THEMIS: variants seen among roughly 807,000 people sequenced by gnomAD.
THEMIS encodes the protein protein THEMIS.
Under a neutral mutation model 52.6 loss-of-function variants are expected in THEMIS, and 37 were observed. The observed-to-expected ratio is 0.70, with a 90% CI of 0.54 to 0.93. THEMIS has a LOEUF of 0.93. THEMIS is among the 40% of genes least tolerant of loss of function. The probability of loss-of-function intolerance (pLI) is 0.00; values close to 1 mark genes in which losing one functional copy is unlikely to be tolerated. For synonymous variants in THEMIS, 292 were observed against 272.7 expected, an observed-to-expected ratio of 1.07 and a Z score of -0.70; for missense variants, 808 against 763.1, an observed-to-expected ratio of 1.06 and a Z score of -0.69.
intron 4 of THEMIS, chr6:127,807,357 T>TA (rs745621361): frequency 0.011 from 2,362 of 218,740 alleles, 1 homozygote; most frequent in South Asian, 0.025. Flanking sequence ...GAGAATTCAT[T>TA]AAAAAAAAAA....
intron 4 of THEMIS, among the ~76,000 whole-genome samples, chr6:127,736,746 A>G (rs1205212939): frequency 6.6e-6 from 1 of 151,390 alleles, no homozygotes; most frequent in African/African-American, 2.4e-5. Context: ...ATATTCTTCT[A>G]TCTCCTAATG....
intron 4 of THEMIS, among the ~76,000 whole-genome samples, chr6:127,793,459 T>C (rs1297354064): frequency 6.6e-6 from 1 of 151,904 alleles, no homozygotes; most frequent in African/African-American, 2.4e-5. Context: ...TAAGAAAAGA[T>C]AAAAACAGGA....
chr6:127,836,551 C>T (rs1176649776), intron 2 of THEMIS, among the ~76,000 whole-genome samples: 1 of 152,068 alleles, frequency 6.6e-6, no homozygotes, highest in Non-Finnish European at 1.5e-5. Context: ...TATAATTTCC[C>T]AATGTAACCA....
At chr6:127,749,836 A>G (rs1458050438) in intron 4 of THEMIS, among the ~76,000 whole-genome samples, 1 of 151,376 alleles carries the variant, frequency 6.6e-6, no homozygotes, top group Non-Finnish European at 1.5e-5. Context: ...AATTACTGCT[A>G]GCTCCATTGA....
chr6:127,757,260 CA>C (rs1399674089), intron 4 of THEMIS, among the ~76,000 whole-genome samples: 10 of 152,086 alleles, frequency 6.6e-5, no homozygotes, highest in African/African-American at 1.9e-4. Context: ...GAAGTACTGG[CA>C]ATGTATCTAA....
chr6:127,783,431 C>T (rs1776815483), intron 4 of THEMIS, among the ~76,000 whole-genome samples: 1 of 152,150 alleles, frequency 6.6e-6, no homozygotes, highest in Non-Finnish European at 1.5e-5. Flanking sequence ...GCAAAATAAA[C>T]TATCATTAGA....
At chr6:127,862,813 G>A (rs1583367926) in intron 1 of THEMIS, among the ~76,000 whole-genome samples, 3 of 152,022 alleles carry the variant, frequency 2.0e-5, no homozygotes, top group East Asian at 1.9e-4. Context: ...TCTACCATTT[G>A]TCCCTCTCAT....
chr6:127,822,781 T>G (rs960577300), intron 3 of THEMIS, among the ~76,000 whole-genome samples: 1 of 152,066 alleles, frequency 6.6e-6, no homozygotes, highest in African/African-American at 2.4e-5. Context: ...GGATGTTACC[T>G]TCCATGATTT....
At chr6:127,860,328 A>G (rs1779754540) in intron 1 of THEMIS, among the ~76,000 whole-genome samples, 1 of 152,200 alleles carries the variant, frequency 6.6e-6, no homozygotes, top group Non-Finnish European at 1.5e-5. Flanking sequence ...GTTGGACACT[A>G]GATATAGCAC....
intron 4 of THEMIS, among the ~76,000 whole-genome samples, chr6:127,801,445 C>A (rs1777532094): frequency 6.6e-6 from 1 of 152,150 alleles, no homozygotes; most frequent in Non-Finnish European, 1.5e-5. Context: ...CATGCACACC[C>A]TTGCCAGGTG....
At chr6:127,877,437 T>G (rs1007838938) in intron 1 of THEMIS, among the ~76,000 whole-genome samples, 4 of 152,160 alleles carry the variant, frequency 2.6e-5, no homozygotes, top group African/African-American at 7.2e-5. Flanking sequence ...CATTTCTAGC[T>G]TTTGATTGAA....
rs73595737 is a variant in THEMIS, at chr6:127,829,147, G to A, written c.709+329C>T. 2.2e-3 allele frequency among the ~76,000 whole-genome samples: 330 copies of A among 152,182 alleles called. 2 individuals are homozygous for A. The highest frequency in any genetic ancestry group is 7.5e-3 in the African/African-American group (310 of 41,540). On this transcript the variant is annotated intron_variant, in intron 3 of 5. Coordinates refer to ENST00000368248, the MANE Select transcript of THEMIS (RefSeq NM_001010923.3). ...AGAAAGCCTCATTCTAACTAAATAT[G>A]TTCTATTTTTTAAAAGTAGCTCTTT...
chr6:127,710,217 A>T (rs2114448518), intron 5 of THEMIS, among the ~76,000 whole-genome samples: 1 of 152,022 alleles, frequency 6.6e-6, no homozygotes, highest in South Asian at 2.1e-4. Flanking sequence ...TTCAGAAACA[A>T]GGTAGATACT....
chr6:127,702,688 C>G, the THEMIS span, among the ~76,000 whole-genome samples: 1 of 151,652 alleles, frequency 6.6e-6, no homozygotes, highest in African/African-American at 2.4e-5. Context: ...AAGACATACC[C>G]GAGACTGGGC....
At chr6:127,859,481 G>T (rs1343982874) in intron 1 of THEMIS, among the ~76,000 whole-genome samples, 1 of 150,938 alleles carries the variant, frequency 6.6e-6, no homozygotes, top group Non-Finnish European at 1.5e-5. Context: ...CCCACAGCTA[G>T]TAAAACAGTT....
chr6:127,796,122 T>C (rs1777323409), intron 4 of THEMIS, among the ~76,000 whole-genome samples: 1 of 152,210 alleles, frequency 6.6e-6, no homozygotes, highest in Non-Finnish European at 1.5e-5. Flanking sequence ...CTTTCTAAGA[T>C]TAAAAGTATA....
chr6:127,780,323 C>G, intron 4 of THEMIS, among the ~76,000 whole-genome samples: 1 of 152,208 alleles, frequency 6.6e-6, no homozygotes, highest in East Asian at 1.9e-4. Flanking sequence ...CTGAATACAG[C>G]ACACCGATGG....
intron 1 of THEMIS, among the ~76,000 whole-genome samples, chr6:127,915,800 A>C (rs887193577): frequency 6.6e-6 from 1 of 152,096 alleles, no homozygotes; most frequent in Non-Finnish European, 1.5e-5. Context: ...CAGCCTGCCC[A>C]ACATGACGAA....
upstream of THEMIS, among the ~76,000 whole-genome samples, chr6:127,905,302 AC>A (rs1366020269): frequency 1.1e-4 from 17 of 152,218 alleles, no homozygotes; most frequent in African/African-American, 4.1e-4. Context: ...ATGATAGCTG[AC>A]TTACTAACAA....
Sources: allele counts gnomAD v4.1 joint callset (sites outside exome capture counted in the v4.1 genomes callset), GRCh38; gene constraint gnomAD v4.1.1; transcripts MANE v1.5; gene names NCBI Gene and HGNC (gene_info 2026-07-23, HGNC 2026-07-21).